Variants in ANKRD13A observed in about 807,000 individuals in gnomAD.
The protein encoded by ANKRD13A is ankyrin repeat domain 13A, also known as ankyrin repeat domain-containing protein 13A.
ANKRD13A carries 48 observed loss-of-function variants against 81.3 expected under a neutral mutation model. That is an observed-to-expected ratio of 0.59 (90% confidence interval 0.47 to 0.75). The LOEUF (loss-of-function observed/expected upper bound fraction) is 0.75. Among genes scored for constraint, ANKRD13A ranks in the 30% least tolerant of loss-of-function variants. The pLI is 0.00. For synonymous variants in ANKRD13A, 230 were observed against 270.1 expected, an observed-to-expected ratio of 0.85 and a Z score of 1.45; for missense variants, 612 against 734.0, an observed-to-expected ratio of 0.83 and a Z score of 1.92.
intron 3 of ANKRD13A, 116 bp from the exon 4 acceptor site, chr12:110,016,272 T>C: frequency 6.3e-6 from 5 of 789,744 alleles, no homozygotes; most frequent in Non-Finnish European, 9.3e-6. Context: ...TATTTCTTCT[T>C]ATTTTCTCTT....
Position 110,019,303 on chromosome 12 carries a change from G to A in ANKRD13A, c.709G>A (p.Asp237Asn), listed in dbSNP as rs774324350. The A allele has an allele frequency of 6.8e-6, 11 of 1,607,492 alleles. No individual in the cohort carries two copies. The highest frequency in any genetic ancestry group is 3.4e-5 in the Admixed American group (2 of 58,494). ...AAGCCCTGTCATTAACACCAGCCTC[G>A]ATACTAAAAATATTGCTTTTGAAAG... ...LTSPVINTSL[D>N]TKNIAFERTK... The change falls in exon 6 of 15, where the codon GAT becomes AAT. Residue 237 changes from aspartate (D) to asparagine (N), a missense_variant. Physicochemically the swap from Asp to Asn is conservative, Grantham distance 23 (BLOSUM62 1). Transcript: ENST00000261739.
chr12:110,013,378 C>T, intron 3 of ANKRD13A, 129 bp downstream of exon 3: 1 of 1,136,814 alleles, frequency 8.8e-7, no homozygotes. Flanking sequence ...ATACTCAATA[C>T]CAATCACATT....
intron 12 of ANKRD13A, among the ~76,000 whole-genome samples, chr12:110,030,987 C>T (rs977531176): frequency 4.0e-5 from 6 of 151,646 alleles, no homozygotes; most frequent in Non-Finnish European, 8.8e-5. Context: ...CCCAGCTACT[C>T]GAGAGGCTGA....
chr12:110,015,145 G>T (rs1381350701), intron 3 of ANKRD13A, among the ~76,000 whole-genome samples: 2 of 151,952 alleles, frequency 1.3e-5, no homozygotes, highest in African/African-American at 2.4e-5. Flanking sequence ...TGGTAGGTAA[G>T]AAAATAATCC....
At chr12:110,014,789 C>CTTTTTTTTTTTTTTTTTTTTTTT (rs761398140) in intron 3 of ANKRD13A, among the ~76,000 whole-genome samples, 3 of 135,706 alleles carry the variant, frequency 2.2e-5, no homozygotes, top group African/African-American at 9.3e-5. Context: ...CATTTCTCTT[C>CTTTTTTTTTTTTTTTTTTTTTTT]TTTTTTTTTT....
At chr12:110,019,386 C>T in intron 6 of ANKRD13A, 58 bp downstream of exon 6, 1 of 1,460,264 alleles carries the variant, frequency 6.8e-7, no homozygotes, top group Non-Finnish European at 9.2e-7. Flanking sequence ...TCTTGAGTGA[C>T]ATGTATGTAT....
At chr12:110,019,058 A>T in intron 5 of ANKRD13A, 81 bp from the exon 6 acceptor site, 1 of 1,413,886 alleles carries the variant, frequency 7.1e-7, no homozygotes, top group Non-Finnish European at 9.6e-7. Flanking sequence ...ATGAAAGATG[A>T]TACATTTTAA....
At position 110,029,542 on chromosome 12, in the gene ANKRD13A, A is replaced by T; in HGVS notation, c.1141A>T (p.Ile381Phe). 1 of 1,614,078 alleles carries T rather than the reference A, an allele frequency of 6.2e-7. No individual in the cohort carries two copies. The highest frequency in any genetic ancestry group is 8.5e-7 in the Non-Finnish European group (1 of 1,179,920). Reference protein sequence around the residue: ...PLSLVEQVIPIIDLMARTSAH... With the variant: ...PLSLVEQVIPFIDLMARTSAH... The stretch of plus-strand genomic sequence containing the variant: ...CTCTCTGGTGGAGCAGGTCATTCCC[A>T]TCATTGACCTAATGGCTCGAACGAG... Residue 381 changes from isoleucine (I) to phenylalanine (F), a missense_variant, in exon 11 of 15, where the codon ATC (isoleucine) becomes TTC (phenylalanine). By Grantham distance (21) the Ile-to-Phe change is conservative (BLOSUM62 0). Transcript: ENST00000261739.
chr12:110,036,170 T>C lies in ANKRD13A; in HGVS notation c.1510-91T>C, dbSNP rs139352104. 3.1e-3 allele frequency: 3,832 copies of C among 1,216,742 alleles called. 21 individuals are homozygous for C. The highest frequency in any genetic ancestry group is 0.011 in the Middle Eastern group (58 of 5,242). The allele number at this position is 1,216,742 out of a possible 1,614,324, so 75.4% of individuals were successfully genotyped here. A position where few individuals can be genotyped will look rare whatever the true frequency, so the allele number is the denominator to read the frequency against. Reference sequence around the variant, plus strand: ...TTGATAATGGTCATGGAAAGACTTTTAATTTGGTTCTTGCTGCCATCGTTT... The same window carrying C: ...TTGATAATGGTCATGGAAAGACTTTCAATTTGGTTCTTGCTGCCATCGTTT... On this transcript the variant is annotated intron_variant, in intron 13 of 14. Transcript: ENST00000261739. The surrounding 1 kb of genome is among the most constrained non-coding windows in gnomAD (Gnocchi z 4.6).
At chr12:110,009,512 T>C (rs1484015790) in intron 1 of ANKRD13A, among the ~76,000 whole-genome samples, 1 of 152,280 alleles carries the variant, frequency 6.6e-6, no homozygotes, top group Non-Finnish European at 1.5e-5. Flanking sequence ...GTCAATGTTG[T>C]TGACATTTTC....
intron 8 of ANKRD13A, 39 bp from the exon 9 acceptor site, chr12:110,027,666 G>A (rs1891417821): frequency 1.3e-6 from 2 of 1,591,116 alleles, no homozygotes. Context: ...CCACAAGTGA[G>A]ATATAATATT....
At chr12:110,019,003 TCAGTACA>T in intron 5 of ANKRD13A, 129 bp from the exon 6 acceptor site, 2 of 853,866 alleles carry the variant, frequency 2.3e-6, no homozygotes, top group Non-Finnish European at 1.7e-6. Flanking sequence ...TAGTCGATAA[TCAGTACA>T]CTGTAGGTTT....
At chr12:110,022,528 G>A (rs1190661613) in intron 6 of ANKRD13A, 2 of 152,222 alleles carry the variant, frequency 1.3e-5, no homozygotes, top group African/African-American at 2.4e-5. Context: ...GCCCGGTGAG[G>A]AGCTTGGTGG....
chr12:110,033,672 TA>T, intron 12 of ANKRD13A, 124 bp from the exon 13 acceptor site: 1 of 881,066 alleles, frequency 1.1e-6, no homozygotes, highest in South Asian at 2.8e-5. Context: ...ATCTCTCATA[TA>T]ATAGTAAGCC....
intron 3 of ANKRD13A, among the ~76,000 whole-genome samples, chr12:110,015,173 G>A (rs766746709): frequency 3.9e-5 from 6 of 152,124 alleles, no homozygotes; most frequent in South Asian, 2.1e-4. Flanking sequence ...GGCTGCTGTG[G>A]TAGTTTAAAA....
intron 11 of ANKRD13A, among the ~76,000 whole-genome samples, 198 bp downstream of exon 11, chr12:110,029,833 A>G (rs925445052): frequency 1.1e-4 from 16 of 152,188 alleles, no homozygotes; most frequent in African/African-American, 3.4e-4. Context: ...TGTGTATCAA[A>G]GTCAAGAGAT....
chr12:110,000,755 CTTTTTTTTT>C (rs34586781), intron 1 of ANKRD13A, among the ~76,000 whole-genome samples: 188 of 125,878 alleles, frequency 1.5e-3, no homozygotes, highest in African/African-American at 4.9e-3. Flanking sequence ...TTCTTTCCTT[CTTTTTTTTT>C]TTTTTTTTTT....
At chr12:110,033,022 G>T (rs1487830270) in intron 12 of ANKRD13A, among the ~76,000 whole-genome samples, 1 of 151,490 alleles carries the variant, frequency 6.6e-6, no homozygotes, top group Non-Finnish European at 1.5e-5. Flanking sequence ...GGATGTGCCC[G>T]CAGTATGGTA....
intron 7 of ANKRD13A, among the ~76,000 whole-genome samples, chr12:110,025,135 C>T (rs1209410847): frequency 6.6e-6 from 1 of 152,162 alleles, no homozygotes; most frequent in African/African-American, 2.4e-5. Flanking sequence ...GTAGGCAGAT[C>T]ACTTGAGGCC....
Sources: gnomAD v4.1 joint callset for allele counts (sites outside exome capture counted in the v4.1 genomes callset) on GRCh38, gnomAD v4.1.1 for gene constraint, Gnocchi (gnomAD v3.1) non-coding constraint, MANE v1.5 for transcripts, NCBI Gene and HGNC (gene_info 2026-07-23, HGNC 2026-07-21) for gene names.